The following RSF1 variants were observed in gnomAD, a reference collection of about 807,000 sequenced individuals.
RSF1 encodes HBV pX-associated protein 8.
A neutral mutation model predicts 145.2 loss-of-function variants in RSF1; 13 were observed. That is an observed-to-expected ratio of 0.09 (90% CI 0.06 to 0.14). RSF1 has a LOEUF of 0.14. RSF1 is among the 10% of genes least tolerant of loss of function. RSF1 has a pLI of 1.00. For synonymous variants in RSF1, 577 were observed against 592.6 expected (o/e 0.97, Z 0.38); for missense variants, 1,517 against 1,718.2 (o/e 0.88, Z 2.07).
intron 5 of RSF1, among the ~76,000 whole-genome samples, chr11:77,713,585 T>A (rs1241547838): frequency 6.6e-6 from 1 of 152,256 alleles, no homozygotes; most frequent in African/African-American, 2.4e-5. Context: ...AGTCTTTAGT[T>A]ATTTATCTGT....
chr11:77,755,409 T>C (rs970243491), intron 2 of RSF1, among the ~76,000 whole-genome samples: 6 of 152,136 alleles, frequency 3.9e-5, no homozygotes, highest in Admixed American at 6.5e-5. Context: ...ACAGGAAAAA[T>C]GCTTTTAACT....
chr11:77,737,468 C>CA (rs1961383398), intron 4 of RSF1, among the ~76,000 whole-genome samples: 1 of 140,924 alleles, frequency 7.1e-6, no homozygotes, highest in African/African-American at 2.9e-5. Context: ...AAAAAAAAAC[C>CA]AAAAAACAAC....
upstream of RSF1, chr11:77,820,923 C>T (rs1209181517): frequency 3.5e-5 from 20 of 573,842 alleles, no homozygotes; most frequent in Non-Finnish European, 5.4e-5. Flanking sequence ...ACAGAGCGGC[C>T]CTCGGCGCCT....
chr11:77,860,950 T>A, the RSF1 span, among the ~76,000 whole-genome samples: 1 of 152,180 alleles, frequency 6.6e-6, no homozygotes, highest in African/African-American at 2.4e-5. Context: ...AATTGGAGTA[T>A]TGCAGGGGCT....
intron 4 of RSF1, among the ~76,000 whole-genome samples, chr11:77,728,424 C>T (rs1961110148): frequency 6.6e-6 from 1 of 151,972 alleles, no homozygotes; most frequent in African/African-American, 2.4e-5. Flanking sequence ...ACCTGTAATC[C>T]CAGCACTTTG....
At chr11:77,789,273 G>C (rs1456511340) in intron 1 of RSF1, among the ~76,000 whole-genome samples, 1 of 152,172 alleles carries the variant, frequency 6.6e-6, no homozygotes, top group African/African-American at 2.4e-5. Flanking sequence ...GGAAGCTGTC[G>C]GGAGATTGTA....
the RSF1 span, chr11:77,869,002 A>G: frequency 8.1e-4 from 266 of 327,670 alleles, 1 homozygote; most frequent in African/African-American, 3.3e-3. Flanking sequence ...AATACCGTAG[A>G]CTCTTCCAGT....
Position 77,667,326 on chromosome 11 carries a change from T to C in RSF1, c.3917A>G (p.Asp1306Gly), listed in dbSNP as rs202120401. 1 of 1,614,040 alleles carries C rather than the reference T, an allele frequency of 6.2e-7. No homozygotes were observed. Among genetic ancestry groups the C allele is most frequent in the East Asian group, 2.2e-5 (1 of 44,882 alleles). Reference protein sequence around the residue: ...SRKRLHRIETDEEESCDNAHG... With the variant: ...SRKRLHRIETGEEESCDNAHG... Reference sequence around the variant, plus strand: ...AGCATTGTCACAACTCTCCTCCTCATCCGTCTCAATCCGGTGTAGCCGTTT... The same window carrying C: ...AGCATTGTCACAACTCTCCTCCTCACCCGTCTCAATCCGGTGTAGCCGTTT... The change falls in exon 16 of 16, where the codon GAT becomes GGT. Residue 1306 changes from aspartate (D) to glycine (G), a missense_variant. By Grantham distance (94) the Asp-to-Gly change is moderately conservative. Transcript: ENST00000308488.
Position 77,768,193 on chromosome 11 carries a change from C to T in RSF1, c.188-3504G>A, listed in dbSNP as rs111854502. Among the ~76,000 whole-genome samples, 1,075 of 128,982 alleles carry T rather than the reference C, an allele frequency of 8.3e-3. 12 individuals carry two copies. The highest frequency in any genetic ancestry group is 0.029 in the African/African-American group (948 of 32,876). 84.6% of individuals were successfully genotyped at this position (128,982 alleles called of 152,430 possible). ...TTTTTTTTTTTTTGAGACAGAGTCT[C>T]GTTCTGTCACCCAGACTGGAGTGCA... On this transcript the variant is annotated intron_variant, in intron 1 of 15. Coordinates refer to ENST00000308488, the MANE Select transcript of RSF1 (RefSeq NM_016578.4).
intron 2 of RSF1, among the ~76,000 whole-genome samples, chr11:77,757,116 G>C (rs905762380): frequency 7.2e-5 from 11 of 152,188 alleles, no homozygotes; most frequent in African/African-American, 2.2e-4. Context: ...AGTGGATAAG[G>C]AGGTAAAGCT....
At chr11:77,673,780 G>C (rs941741869) in intron 14 of RSF1, among the ~76,000 whole-genome samples, 9 of 152,146 alleles carry the variant, frequency 5.9e-5, no homozygotes, top group Non-Finnish European at 1.3e-4. Context: ...AACATTCTCT[G>C]TGCTATTCCC....
chr11:77,678,138 A>G lies in RSF1; in HGVS notation c.3081T>C (p.Asp1027=). 1.2e-6 allele frequency: 2 copies of G among 1,606,484 alleles called. No homozygotes were observed. Among genetic ancestry groups the G allele is most frequent in the East Asian group, 4.5e-5 (2 of 44,784 alleles). Residue 1027 remains aspartate, a synonymous_variant, in exon 12 of 16, where the codon GAT becomes GAC. Coordinates refer to ENST00000308488, the MANE Select transcript of RSF1 (RefSeq NM_016578.4). ...CTTCAATAGCTTCATCAATTGCTTCATCAAACTCATCAAATCTAAAATATA... is the reference window on the plus strand; with the variant it reads ...CTTCAATAGCTTCATCAATTGCTTCGTCAAACTCATCAAATCTAAAATATA... The part of the protein sequence containing the change: ...KCISYRFDEF[D]EAIDEAIEDD...
intron 1 of RSF1, among the ~76,000 whole-genome samples, chr11:77,781,731 G>A (rs907727568): frequency 3.3e-5 from 5 of 152,174 alleles, no homozygotes; most frequent in African/African-American, 7.2e-5. Flanking sequence ...TCTATATTCC[G>A]AATGATTTTG....
At chr11:77,678,696 T>C (rs1412642778) in intron 11 of RSF1, among the ~76,000 whole-genome samples, 2 of 152,104 alleles carry the variant, frequency 1.3e-5, no homozygotes, top group East Asian at 1.9e-4. Context: ...GAGAGACCCT[T>C]TGTTTCTTCC....
intron 1 of RSF1, among the ~76,000 whole-genome samples, chr11:77,777,593 CAAAATAAATAAA>C (rs1179367929): frequency 6.6e-6 from 1 of 151,968 alleles, no homozygotes; most frequent in Non-Finnish European, 1.5e-5. Flanking sequence ...AACTCCGTCT[CAAAATAAATAAA>C]AAAATAAATA....
upstream of RSF1, among the ~76,000 whole-genome samples, chr11:77,823,100 A>T (rs1948998531): frequency 6.6e-6 from 1 of 151,062 alleles, no homozygotes; most frequent in Admixed American, 6.6e-5. Context: ...CCCTGTAGAC[A>T]GCTACTCGGG....
intron 1 of RSF1, among the ~76,000 whole-genome samples, chr11:77,797,720 C>A (rs767366350): frequency 7.2e-5 from 11 of 152,150 alleles, no homozygotes; most frequent in Non-Finnish European, 1.3e-4. Flanking sequence ...TCAGAGTGAA[C>A]AGGCAACCCA....
At chr11:77,720,980 C>T (rs533833696) in intron 5 of RSF1, among the ~76,000 whole-genome samples, 2 of 152,144 alleles carry the variant, frequency 1.3e-5, no homozygotes, top group South Asian at 4.2e-4. Flanking sequence ...CATTTTTTTG[C>T]CCACTTTTAC....
intron 2 of RSF1, among the ~76,000 whole-genome samples, chr11:77,757,538 C>T (rs1311215298): frequency 6.6e-6 from 1 of 151,992 alleles, no homozygotes; most frequent in Non-Finnish European, 1.5e-5. Flanking sequence ...ATTGGTTGGG[C>T]GAGGTGGTGC....
Sources: gnomAD v4.1 joint callset for allele counts (sites outside exome capture counted in the v4.1 genomes callset) on GRCh38, gnomAD v4.1.1 for gene constraint, MANE v1.5 for transcripts, NCBI Gene and HGNC (gene_info 2026-07-23, HGNC 2026-07-21) for gene names.